Variants in TENM1 observed in about 807,000 individuals in gnomAD.
TENM1 encodes teneurin-1.
In TENM1, 35 loss-of-function variants were observed where a neutral mutation model predicts 174.8. The ratio of observed to expected loss-of-function variants is 0.20; its 90% CI spans 0.15 to 0.27. TENM1 has a LOEUF of 0.27. Among genes scored for constraint, TENM1 ranks in the 10% least tolerant of loss-of-function variants. TENM1 has a pLI of 1.00. For synonymous variants in TENM1, 781 were observed against 798.7 expected, an observed-to-expected ratio of 0.98 and a Z score of 0.37; for missense variants, 1,633 against 2,130.1, an observed-to-expected ratio of 0.77 and a Z score of 4.59.
chrX:124,987,742 T>TGTGTGTGTGA, the TENM1 span, among the ~76,000 whole-genome samples: 1 of 107,113 alleles, frequency 9.3e-6, no homozygotes, highest in African/African-American at 3.4e-5. Flanking sequence ...TGTGTGTGTG[T>TGTGTGTGTGA]GATTACAAAA....
At chrX:124,587,570 T>G (rs1312065406) in intron 11 of TENM1, among the ~76,000 whole-genome samples, 1 of 111,236 alleles carries the variant, frequency 9.0e-6, no homozygotes, top group Non-Finnish European at 1.9e-5. Flanking sequence ...ACGTTAGACC[T>G]AAAACCATAA....
chrX:124,516,072 A>C (rs1467176732), intron 18 of TENM1, among the ~76,000 whole-genome samples: 1 of 111,783 alleles, frequency 8.9e-6, no homozygotes, highest in Non-Finnish European at 1.9e-5. Flanking sequence ...CTGATCCTCA[A>C]CAAAGCTGAC....
At chrX:124,963,244 C>T (rs967219367) in intron 1 of TENM1, among the ~76,000 whole-genome samples, 6 of 112,235 alleles carry the variant, frequency 5.3e-5, no homozygotes, top group African/African-American at 1.9e-4. Flanking sequence ...TTTCATCTTA[C>T]TATAAATTAT....
chrX:124,782,989 T>C (rs914804085), intron 3 of TENM1, among the ~76,000 whole-genome samples: 5 of 112,085 alleles, frequency 4.5e-5, no homozygotes, highest in Admixed American at 3.8e-4. Context: ...GACAATATTC[T>C]GACATTGGGC....
chrX:124,795,547 T>C (rs1042369455), intron 3 of TENM1, among the ~76,000 whole-genome samples: 4 of 111,686 alleles, frequency 3.6e-5, no homozygotes, highest in Non-Finnish European at 7.5e-5. Context: ...GTAAGTGTAA[T>C]ATAGCCTGTT....
intron 1 of TENM1, among the ~76,000 whole-genome samples, chrX:124,902,397 T>C (rs753117047): frequency 3.6e-5 from 4 of 112,265 alleles, no homozygotes; most frequent in Admixed American, 9.5e-5. Flanking sequence ...CAACTTAAAA[T>C]GTAAAAAGCA....
chrX:125,192,138 C>G, the TENM1 span, among the ~76,000 whole-genome samples: 1 of 109,511 alleles, frequency 9.1e-6, no homozygotes, highest in South Asian at 3.9e-4. Flanking sequence ...TATTTTAAAA[C>G]AAAAGTAAAG....
the TENM1 span, among the ~76,000 whole-genome samples, chrX:125,012,912 G>C: frequency 1.8e-5 from 2 of 111,796 alleles, no homozygotes; most frequent in African/African-American, 6.5e-5. Context: ...ATATACACAA[G>C]TATACAAGGT....
chrX:125,087,814 G>C, the TENM1 span, among the ~76,000 whole-genome samples: 6 of 111,424 alleles, frequency 5.4e-5, no homozygotes, highest in Admixed American at 4.8e-4. Flanking sequence ...ATAAATATTT[G>C]TAAGTCCACA....
chrX:124,973,945 C>A, the TENM1 span, among the ~76,000 whole-genome samples: 1 of 111,604 alleles, frequency 9.0e-6, no homozygotes, highest in Non-Finnish European at 1.9e-5. Flanking sequence ...ACATCACACA[C>A]TGGGACCTGT....
chrX:124,508,599 A>T (rs931189504), intron 18 of TENM1, among the ~76,000 whole-genome samples: 9 of 112,260 alleles, frequency 8.0e-5, no homozygotes, highest in African/African-American at 2.6e-4. Context: ...TTGAATGAAG[A>T]GAAAGTACAG....
chrX:124,512,064 G>T (rs1602571188), intron 18 of TENM1, among the ~76,000 whole-genome samples: 1 of 111,894 alleles, frequency 8.9e-6, no homozygotes, highest in African/African-American at 3.2e-5. Context: ...TGAACTTCCA[G>T]GACTCCAAAC....
intron 15 of TENM1, among the ~76,000 whole-genome samples, chrX:124,536,737 G>A (rs953472441): frequency 1.1e-4 from 12 of 111,799 alleles, no homozygotes; most frequent in African/African-American, 3.9e-4. Flanking sequence ...GATTATTTTC[G>A]TCCAGAATTT....
the TENM1 span, among the ~76,000 whole-genome samples, chrX:125,035,813 T>C: frequency 9.0e-6 from 1 of 111,077 alleles, no homozygotes; most frequent in Admixed American, 9.6e-5. Flanking sequence ...AGAGTGATAT[T>C]TGAGGCTGTG....
chrX:124,748,944 AAATG>A (rs1226333128), intron 3 of TENM1, among the ~76,000 whole-genome samples: 3 of 111,868 alleles, frequency 2.7e-5, no homozygotes, highest in African/African-American at 6.5e-5. Flanking sequence ...TAATATTATT[AAATG>A]AATGATCAAT....
intron 25 of TENM1, among the ~76,000 whole-genome samples, chrX:124,409,753 T>A (rs2060510330): frequency 9.4e-6 from 1 of 106,355 alleles, no homozygotes; most frequent in African/African-American, 3.4e-5. Flanking sequence ...AAATCATGAG[T>A]GAACTCCCAT....
chrX:124,778,834 ACTGCT>A (rs1317653529), intron 3 of TENM1, among the ~76,000 whole-genome samples: 1 of 112,336 alleles, frequency 8.9e-6, no homozygotes, highest in East Asian at 2.8e-4. Context: ...TGTATGGTTT[ACTGCT>A]TTATTTGAAC....
exon 32 of TENM1, chrX:124,378,922 G>C (rs1022120353): frequency 8.9e-6 from 1 of 112,587 alleles, no homozygotes; most frequent in African/African-American, 3.2e-5. Flanking sequence ...TTCAGACATA[G>C]CAAATGTTCA....
intron 20 of TENM1, among the ~76,000 whole-genome samples, chrX:124,489,148 G>A (rs1284110334): frequency 2.7e-5 from 3 of 112,741 alleles, no homozygotes; most frequent in Non-Finnish European, 5.6e-5. Context: ...CAGTGTGTGA[G>A]CTCTTCACAA....
Sources: gnomAD v4.1 joint callset for allele counts (sites outside exome capture counted in the v4.1 genomes callset) on GRCh38, gnomAD v4.1.1 for gene constraint, MANE v1.5 for transcripts, NCBI Gene and HGNC (gene_info 2026-07-23, HGNC 2026-07-21) for gene names.